Variants in NGEF observed in about 807,000 individuals in gnomAD.
NGEF encodes ephexin-1.
A neutral mutation model predicts 80.9 loss-of-function variants in NGEF; 31 were observed. The observed-to-expected ratio is 0.38, with a 90% CI of 0.29 to 0.52. The LOEUF is 0.52. NGEF is among the 20% of genes least tolerant of loss of function. The pLI is 0.84. For missense variants in NGEF, 709 were observed against 926.2 expected (o/e 0.77, Z 3.04); for synonymous variants, 371 against 370.2 (o/e 1.00, Z -0.03).
chr2:232,924,141 G>T (rs993762326), intron 4 of NGEF, among the ~76,000 whole-genome samples: 2 of 152,210 alleles, frequency 1.3e-5, no homozygotes, highest in Admixed American at 1.3e-4. Flanking sequence ...GGAAGCTGAG[G>T]TAGGAGAATC....
chr2:232,935,192 G>C (rs1574622239), intron 3 of NGEF, among the ~76,000 whole-genome samples: 1 of 152,150 alleles, frequency 6.6e-6, no homozygotes, highest in African/African-American at 2.4e-5. Flanking sequence ...AGGAGTTCTT[G>C]TTTATGTTTA....
intron 3 of NGEF, among the ~76,000 whole-genome samples, chr2:232,955,309 A>G (rs955755141): frequency 1.3e-5 from 2 of 152,202 alleles, no homozygotes; most frequent in African/African-American, 2.4e-5. Context: ...TAGCTCCTAT[A>G]TAACCCAAAC....
intron 3 of NGEF, among the ~76,000 whole-genome samples, chr2:232,939,266 C>T (rs188855054): frequency 2.0e-5 from 3 of 151,314 alleles, no homozygotes; most frequent in Admixed American, 1.3e-4. Flanking sequence ...TCTTAAATCA[C>T]CTCATAAACT....
chr2:232,898,809 T>A (rs976538506), intron 5 of NGEF, among the ~76,000 whole-genome samples: 1 of 152,120 alleles, frequency 6.6e-6, no homozygotes, highest in Non-Finnish European at 1.5e-5. Flanking sequence ...TGGAAGGAAG[T>A]GTGAGCCTGT....
At chr2:232,993,759 C>T (rs193124298) in intron 1 of NGEF, among the ~76,000 whole-genome samples, 67 of 152,284 alleles carry the variant, frequency 4.4e-4, no homozygotes, top group African/African-American at 1.4e-3. Context: ...TGTTCATACA[C>T]GCTACAACAT....
intron 3 of NGEF, among the ~76,000 whole-genome samples, chr2:232,965,105 A>C (rs548875267): frequency 6.6e-6 from 1 of 152,324 alleles, no homozygotes; most frequent in Admixed American, 6.5e-5. Flanking sequence ...CCAAAAACAA[A>C]CCAGGGAGAT....
chr2:232,896,991 T>G, intron 5 of NGEF, among the ~76,000 whole-genome samples: 2 of 101,626 alleles, frequency 2.0e-5, no homozygotes, highest in South Asian at 3.7e-4. Flanking sequence ...AAGGGTGAGG[T>G]AGGGGTGCGG....
intron 1 of NGEF, among the ~76,000 whole-genome samples, chr2:232,993,112 T>TAA (rs1694686350): frequency 1.3e-5 from 1 of 74,664 alleles, no homozygotes; most frequent in African/African-American, 6.4e-5. Context: ...AATAAATATA[T>TAA]ATATATAAAT....
chr2:232,968,093 C>CTTTTT lies in NGEF; in HGVS notation c.383+2116_383+2120dup, dbSNP rs1274944227. 2.4e-5 allele frequency among the ~76,000 whole-genome samples: 3 copies of CTTTTT among 125,782 alleles called. 1 individual carries two copies. Among genetic ancestry groups the CTTTTT allele is most frequent in the African/African-American group, 3.4e-5 (1 of 29,632 alleles). The allele number at this position is 125,782 out of a possible 152,430, so 82.5% of individuals were successfully genotyped here. On this transcript the variant is annotated intron_variant, in intron 3 of 14. Transcript: ENST00000264051. ...TTGCTGAGGGCAGAAACAGACCTGGCTTTTTTTTTTTTGAGACAAAGTTTC... is the reference window on the plus strand; with the variant it reads ...TTGCTGAGGGCAGAAACAGACCTGGCTTTTTTTTTTTTTTTTTGAGACAAAGTTTC...
chr2:232,955,061 G>A (rs1158851767), intron 3 of NGEF, among the ~76,000 whole-genome samples: 1 of 152,192 alleles, frequency 6.6e-6, no homozygotes, highest in Non-Finnish European at 1.5e-5. Flanking sequence ...CACTGAGGCA[G>A]AGAAAGCCGA....
chr2:232,892,847 C>T lies in NGEF; in HGVS notation c.1142+51G>A. 1 of 1,589,708 alleles carries T rather than the reference C, an allele frequency of 6.3e-7. No individual in the cohort carries two copies. The highest frequency in any genetic ancestry group is 8.6e-7 in the Non-Finnish European group (1 of 1,164,056). ...GGAGCCTGGGCCAGCACTGGTATGGCTGCCCCGGGCACCTCCCCCTGCCCC... is the reference window on the plus strand; with the variant it reads ...GGAGCCTGGGCCAGCACTGGTATGGTTGCCCCGGGCACCTCCCCCTGCCCC... On this transcript the variant is annotated intron_variant, in intron 7 of 14. Transcript: ENST00000264051. The surrounding 1 kb of genome is among the most constrained non-coding windows in gnomAD (Gnocchi z 4.0).
intron 1 of NGEF, among the ~76,000 whole-genome samples, chr2:232,996,684 G>T (rs542945895): frequency 6.6e-6 from 1 of 152,188 alleles, no homozygotes; most frequent in South Asian, 2.1e-4. Context: ...TAGTAGAGGC[G>T]GGGTTTCACC....
At chr2:232,995,659 TTATAGTGTATATATGTATTA>T (rs1356026573) in intron 1 of NGEF, among the ~76,000 whole-genome samples, 36 of 77,804 alleles carry the variant, frequency 4.6e-4, no homozygotes, top group Non-Finnish European at 7.6e-4. Context: ...TATATATGTA[TTATAGTGTATATATGTATTA>T]TATATATTAT....
intron 12 of NGEF, 32 bp from the exon 13 acceptor site, chr2:232,882,297 G>A (rs374294493): frequency 6.3e-5 from 100 of 1,586,828 alleles, no homozygotes; most frequent in Non-Finnish European, 8.1e-5. Context: ...TGCCCCAACT[G>A]CAGATCAACG....
chr2:232,883,057 ACACACACACACACACACACACACACG>A (rs1440607747), intron 12 of NGEF, among the ~76,000 whole-genome samples: 1 of 26,550 alleles, frequency 3.8e-5, no homozygotes, highest in Non-Finnish European at 8.0e-5. Context: ...AAGGGAACAC[ACACACACACACACACACACACACACG>A]CACACACGCA....
In NGEF at chr2:232,961,061, G is replaced by A. The variant is rs77067966; in HGVS notation, c.383+9153C>T. 9.2e-3 allele frequency among the ~76,000 whole-genome samples: 1,408 copies of A among 152,290 alleles called. 44 individuals carry two copies. In the East Asian group the frequency reaches 0.11, roughly 12 times the overall value. On this transcript the variant is annotated intron_variant, in intron 3 of 14. Transcript: ENST00000264051. ...ACTCACTGCTGGTTGGTATACCAAA[G>A]AGGACTTGCAAAGCAGCCTTGGATG...
chr2:232,927,960 C>T, intron 3 of NGEF: 5 of 1,300,276 alleles, frequency 3.8e-6, no homozygotes, highest in Admixed American at 3.6e-5. Context: ...TCGTGGTCCA[C>T]GGCGCAGGCG....
Position 232,920,492 on chromosome 2 carries a change from C to T in NGEF, c.620G>A (p.Gly207Glu). The T allele has an allele frequency of 6.2e-7, 1 of 1,609,542 alleles. No homozygotes were observed. Among genetic ancestry groups the T allele is most frequent in the South Asian group, 1.1e-5 (1 of 90,496 alleles). The change falls in exon 5 of 15, where the codon GGG (glycine) becomes GAG (glutamate). Residue 207 changes from glycine (G) to glutamate (E), a missense_variant. Gly to Glu is a moderately conservative substitution (Grantham distance 98). This residue lies in a region of NGEF where 283 missense variants were observed against 303.4 expected (regional missense o/e 0.93). Coordinates refer to ENST00000264051, the MANE Select transcript of NGEF (RefSeq NM_019850.3). Reference sequence around the variant, plus strand: ...CGGGGTGTCCTCACTGGCCGGGGACCCATTGGTATTGTCTTCTATTTCTGC... The same window carrying T: ...CGGGGTGTCCTCACTGGCCGGGGACTCATTGGTATTGTCTTCTATTTCTGC... Reference protein sequence around the residue: ...QDAEIEDNTNGSPASEDTPEE... With the variant: ...QDAEIEDNTNESPASEDTPEE...
intron 9 of NGEF, among the ~76,000 whole-genome samples, chr2:232,886,034 G>A (rs73108346): frequency 0.1 from 14,613 of 144,384 alleles, 994 homozygotes; most frequent in African/African-American, 0.18. Context: ...ACTCGAATGC[G>A]GGGCAAAGCT....
Sources: gnomAD v4.1 joint callset for allele counts (sites outside exome capture counted in the v4.1 genomes callset) on GRCh38, gnomAD v4.1.1 for gene constraint, gnomAD v4.1.1 regional missense constraint, Gnocchi (gnomAD v3.1) non-coding constraint, MANE v1.5 for transcripts, NCBI Gene and HGNC (gene_info 2026-07-23, HGNC 2026-07-21) for gene names.